ZRANB3: variants seen among roughly 807,000 people sequenced by gnomAD.
ZRANB3 encodes zinc finger RANBP2-type containing 3, also known as DNA annealing helicase and endonuclease ZRANB3.
In ZRANB3, 125 loss-of-function variants were observed where a neutral mutation model predicts 133.8. The ratio of observed to expected loss-of-function variants is 0.93; its 90% CI spans 0.81 to 1.08. The LOEUF is 1.08. Among genes scored for constraint, ZRANB3 ranks in the 50% least tolerant of loss-of-function variants. The pLI is 0.00. For missense variants in ZRANB3, 1,229 were observed against 1,275.5 expected (o/e 0.96, Z 0.56); for synonymous variants, 387 against 432.7 (o/e 0.89, Z 1.31).
intron 8 of ZRANB3, 28 bp from the exon 9 acceptor site, chr2:135,275,783 G>GC: frequency 1.4e-6 from 2 of 1,461,118 alleles, no homozygotes; most frequent in African/African-American, 1.4e-5. Flanking sequence ...AACCTTATTA[G>GC]TGTCATAAAA....
intron 8 of ZRANB3, among the ~76,000 whole-genome samples, chr2:135,298,278 C>T (rs749991606): frequency 6.6e-6 from 1 of 152,142 alleles, no homozygotes; most frequent in Non-Finnish European, 1.5e-5. Flanking sequence ...TCTGATGCCT[C>T]CTTGAGTAGC....
intron 1 of ZRANB3, among the ~76,000 whole-genome samples, chr2:135,524,373 C>T (rs1032522550): frequency 9.2e-5 from 14 of 151,992 alleles, no homozygotes; most frequent in African/African-American, 3.1e-4. Context: ...TAAGCCACCG[C>T]GACCATCCTG....
At chr2:135,319,372 A>G (rs1166254732) in intron 6 of ZRANB3, among the ~76,000 whole-genome samples, 4 of 152,182 alleles carry the variant, frequency 2.6e-5, no homozygotes, top group African/African-American at 9.7e-5. Context: ...TTCAGGTGAC[A>G]ATAACTTTGT....
chr2:135,463,399 T>C (rs1369106347), intron 2 of ZRANB3, among the ~76,000 whole-genome samples: 1 of 152,100 alleles, frequency 6.6e-6, no homozygotes, highest in Non-Finnish European at 1.5e-5. Flanking sequence ...TATTCCTATC[T>C]TTCCATAAGA....
At chr2:135,254,984 C>G (rs1333757760) in intron 12 of ZRANB3, among the ~76,000 whole-genome samples, 1 of 152,058 alleles carries the variant, frequency 6.6e-6, no homozygotes, top group African/African-American at 2.4e-5. Context: ...AAATCCTGAC[C>G]TGGTGATCTG....
intron 2 of ZRANB3, among the ~76,000 whole-genome samples, chr2:135,482,293 G>T (rs1691856221): frequency 7.6e-6 from 1 of 130,920 alleles, no homozygotes; most frequent in Non-Finnish European, 1.5e-5. Context: ...TTATTTCGTT[G>T]AGCAGTGGTT....
intron 6 of ZRANB3, among the ~76,000 whole-genome samples, chr2:135,326,539 G>A (rs1308007271): frequency 6.6e-6 from 1 of 151,960 alleles, no homozygotes; most frequent in African/African-American, 2.4e-5. Flanking sequence ...ATAGGTAAAC[G>A]TGTGCCATGG....
intron 12 of ZRANB3, among the ~76,000 whole-genome samples, chr2:135,231,523 G>A (rs1294756816): frequency 2.6e-5 from 4 of 152,166 alleles, no homozygotes; most frequent in Non-Finnish European, 5.9e-5. Context: ...ACTTTGGGAG[G>A]CTGATATGGC....
intron 8 of ZRANB3, among the ~76,000 whole-genome samples, chr2:135,307,757 G>A (rs950022628): frequency 6.6e-6 from 1 of 152,120 alleles, no homozygotes; most frequent in African/African-American, 2.4e-5. Context: ...TTCCTTTGAG[G>A]TGATGATAGT....
At chr2:135,493,070 C>G (rs1229555379) in intron 2 of ZRANB3, among the ~76,000 whole-genome samples, 1 of 115,026 alleles carries the variant, frequency 8.7e-6, no homozygotes, top group Admixed American at 1.0e-4. Context: ...CCTACCTCAC[C>G]CCGTATTTAA....
intron 2 of ZRANB3, among the ~76,000 whole-genome samples, chr2:135,487,764 C>T (rs1041355145): frequency 7.9e-5 from 12 of 152,174 alleles, no homozygotes; most frequent in African/African-American, 2.7e-4. Flanking sequence ...CTTTGGTATA[C>T]GGGAATGTTG....
rs534056174 is a variant in ZRANB3 at position 135,498,779 on chromosome 2, G to A, written c.161+5550C>T. On this transcript the variant is annotated intron_variant, in intron 2 of 20. Coordinates refer to ENST00000264159, the MANE Select transcript of ZRANB3 (RefSeq NM_032143.4). ...GCTTTGGGAACATCTATCTTTTTACGGTTGTAGATAAGGGATGAAATAAGC... is the reference window on the plus strand; with the variant it reads ...GCTTTGGGAACATCTATCTTTTTACAGTTGTAGATAAGGGATGAAATAAGC... 2.8e-4 allele frequency among the ~76,000 whole-genome samples: 42 copies of A among 152,208 alleles called. No individual in the cohort carries two copies. The East Asian group carries it at 4.4e-3, about 16-fold the overall frequency.
chr2:135,490,969 G>C lies in ZRANB3; in HGVS notation c.161+13360C>G, dbSNP rs534320553. ...CACAAAGGTACAGAGTACCTTAGTG[G>C]CTACTAGTGGTTGGGAAGGGTAGTG... On this transcript the variant is annotated intron_variant, in intron 2 of 20. Transcript: ENST00000264159. Among the ~76,000 whole-genome samples the C allele has an allele frequency of 9.9e-5, 15 of 152,272 alleles. No individual in the cohort carries two copies. The East Asian group carries it at 2.9e-3, about 29-fold the overall frequency.
chr2:135,305,838 A>G (rs926054874), intron 8 of ZRANB3, among the ~76,000 whole-genome samples: 26 of 152,206 alleles, frequency 1.7e-4, no homozygotes, highest in Non-Finnish European at 1.8e-4. Flanking sequence ...TTTGAAGGAT[A>G]GCTTTGTTGG....
intron 2 of ZRANB3, among the ~76,000 whole-genome samples, chr2:135,458,130 C>A (rs537065747): frequency 3.6e-4 from 54 of 151,974 alleles, no homozygotes; most frequent in Admixed American, 3.9e-4. Context: ...ACTATTGTTG[C>A]GGCACTATTT....
intron 2 of ZRANB3, among the ~76,000 whole-genome samples, chr2:135,495,940 T>C (rs917648129): frequency 4.6e-5 from 7 of 152,226 alleles, no homozygotes; most frequent in African/African-American, 1.4e-4. Context: ...AGATGAAAAT[T>C]AATGATCAAA....
intron 5 of ZRANB3, among the ~76,000 whole-genome samples, chr2:135,347,757 G>A (rs1685009237): frequency 6.6e-6 from 1 of 152,126 alleles, no homozygotes; most frequent in Admixed American, 6.5e-5. Flanking sequence ...GGAAATTAGA[G>A]AACATTTTGA....
At chr2:135,318,142 A>G (rs1313284412) in intron 6 of ZRANB3, among the ~76,000 whole-genome samples, 1 of 151,754 alleles carries the variant, frequency 6.6e-6, no homozygotes, top group African/African-American at 2.4e-5. Context: ...GCCAACTTTT[A>G]CCTAATAATA....
At chr2:135,342,763 GTGGTAGTGCTT>G (rs1684736904) in intron 6 of ZRANB3, among the ~76,000 whole-genome samples, 1 of 149,338 alleles carries the variant, frequency 6.7e-6, no homozygotes, top group South Asian at 2.1e-4. Flanking sequence ...AGTGTTTCAT[GTGGTAGTGCTT>G]TGGGATTGAA....
Sources: gnomAD v4.1 joint callset for allele counts (sites outside exome capture counted in the v4.1 genomes callset) on GRCh38, gnomAD v4.1.1 for gene constraint, MANE v1.5 for transcripts, NCBI Gene and HGNC (gene_info 2026-07-23, HGNC 2026-07-21) for gene names.